DTD1: variants seen among roughly 807,000 people sequenced by gnomAD.
DTD1 encodes the protein D-aminoacyl-tRNA deacylase 1, also known as D-tyrosyl-tRNA deacylase 1 homolog.
DTD1 carries 13 observed loss-of-function variants against 25.6 expected under a neutral mutation model. The ratio of observed to expected loss-of-function variants is 0.51; its 90% CI spans 0.33 to 0.81. The LOEUF (loss-of-function observed/expected upper bound fraction) is 0.81, where lower values mean the gene tolerates loss of function less well. DTD1 is among the 30% of genes least tolerant of loss of function. The probability of loss-of-function intolerance (pLI) is 0.02; values close to 1 mark genes in which losing one functional copy is unlikely to be tolerated. For synonymous variants in DTD1, 110 were observed against 103.6 expected (o/e 1.06, Z -0.37); for missense variants, 193 against 266.4 (o/e 0.72, Z 1.92).
At chr20:18,645,057 G>A (rs1309728807) in intron 4 of DTD1, among the ~76,000 whole-genome samples, 2 of 152,172 alleles carry the variant, frequency 1.3e-5, no homozygotes, top group South Asian at 2.1e-4. Flanking sequence ...AGGCTGAGGC[G>A]AAGAATCACT....
intron 4 of DTD1, among the ~76,000 whole-genome samples, chr20:18,693,453 T>C (rs1484245897): frequency 6.6e-6 from 1 of 151,694 alleles, no homozygotes; most frequent in Admixed American, 6.6e-5. Flanking sequence ...GGTCAGGAAT[T>C]CGAGGCCAAC....
At chr20:18,631,086 G>A (rs1345851915) in intron 4 of DTD1, 1 of 985,280 alleles carries the variant, frequency 1.0e-6, no homozygotes, top group East Asian at 1.1e-4. Flanking sequence ...ATTCACAGCA[G>A]ACAGCTCTCT....
rs568045748 is a variant in DTD1 at position 18,663,647 on chromosome 20, ATTAG to A, written c.477+35421_477+35424del. Among the ~76,000 whole-genome samples the A allele has an allele frequency of 1.1e-4, 17 of 152,344 alleles. No individual in the cohort carries two copies. In the South Asian group the frequency reaches 2.5e-3, roughly 22 times the overall value. On this transcript the variant is annotated intron_variant, in intron 4 of 5. Coordinates refer to ENST00000377452, the MANE Select transcript of DTD1 (RefSeq NM_080820.6). ...AGTATTCAGTAGAGTAACATGCTGT[ATTAG>A]TTAGTTCTCATGCCACTACGAAGAA...
At chr20:18,591,346 G>T (rs754586321) in intron 1 of DTD1, among the ~76,000 whole-genome samples, 2 of 152,130 alleles carry the variant, frequency 1.3e-5, no homozygotes, top group Non-Finnish European at 2.9e-5. Flanking sequence ...TTTAGTGTAC[G>T]AAGATTTTCA....
intron 3 of DTD1, among the ~76,000 whole-genome samples, chr20:18,606,408 C>T (rs1600313051): frequency 7.3e-6 from 1 of 137,422 alleles, no homozygotes; most frequent in South Asian, 2.4e-4. Context: ...TACCATTTGA[C>T]CCGGCCATCC....
At chr20:18,645,410 G>T (rs1383724338) in intron 4 of DTD1, among the ~76,000 whole-genome samples, 1 of 152,236 alleles carries the variant, frequency 6.6e-6, no homozygotes, top group Non-Finnish European at 1.5e-5. Flanking sequence ...GCAGAGGCAT[G>T]TGGCCAGTTG....
chr20:18,662,013 A>G (rs1426073299), intron 4 of DTD1, among the ~76,000 whole-genome samples: 1 of 152,110 alleles, frequency 6.6e-6, no homozygotes, highest in African/African-American at 2.4e-5. Flanking sequence ...TTAGCCAGGC[A>G]TGGTGGTACA....
At chr20:18,650,143 T>G (rs1014957047) in intron 4 of DTD1, among the ~76,000 whole-genome samples, 2 of 152,166 alleles carry the variant, frequency 1.3e-5, no homozygotes, top group Admixed American at 1.3e-4. Flanking sequence ...TTGGGAGGAT[T>G]GCTTGGGCCC....
intron 4 of DTD1, among the ~76,000 whole-genome samples, chr20:18,670,643 CGTTT>C (rs2060948616): frequency 6.6e-6 from 1 of 152,142 alleles, no homozygotes; most frequent in Non-Finnish European, 1.5e-5. Context: ...TAAATAAAGT[CGTTT>C]ACTCAGAATA....
chr20:18,606,717 G>A lies in DTD1; in HGVS notation c.370+10476G>A, dbSNP rs1315123213. On this transcript the variant is annotated intron_variant, in intron 3 of 5. Transcript: ENST00000377452. ...ACCGCATGTTCTCACTCATAGGTGG[G>A]AATTGAACAGTGAGATCACATGGAC... Among the ~76,000 whole-genome samples, 4 of 132,416 alleles carry A rather than the reference G, an allele frequency of 3.0e-5. No homozygotes were observed. The Admixed American group carries it at 3.3e-4, about 11-fold the overall frequency. The allele number at this position is 132,416 out of a possible 152,430, so 86.9% of individuals were successfully genotyped here.
intron 4 of DTD1, among the ~76,000 whole-genome samples, chr20:18,653,866 C>G (rs1450462432): frequency 1.3e-5 from 2 of 152,172 alleles, no homozygotes; most frequent in Non-Finnish European, 2.9e-5. Flanking sequence ...TTTAAAGTTT[C>G]AAATCCATGC....
intron 4 of DTD1, among the ~76,000 whole-genome samples, chr20:18,742,348 A>T (rs932625159): frequency 6.6e-6 from 1 of 152,074 alleles, no homozygotes; most frequent in Non-Finnish European, 1.5e-5. Flanking sequence ...GTAAATGGGG[A>T]GTAGGAAAGA....
chr20:18,688,350 T>G (rs2061025983), intron 4 of DTD1, among the ~76,000 whole-genome samples: 1 of 152,156 alleles, frequency 6.6e-6, no homozygotes, highest in Non-Finnish European at 1.5e-5. Flanking sequence ...TAAGTATTAA[T>G]TATAACCTGT....
At chr20:18,714,682 G>A (rs2061173188) in intron 4 of DTD1, among the ~76,000 whole-genome samples, 1 of 152,154 alleles carries the variant, frequency 6.6e-6, no homozygotes, top group Non-Finnish European at 1.5e-5. Flanking sequence ...CTGTCCTTTA[G>A]GAGCACTGAG....
intron 4 of DTD1, among the ~76,000 whole-genome samples, chr20:18,715,510 G>A (rs2122484682): frequency 1.3e-5 from 2 of 152,314 alleles, no homozygotes; most frequent in Middle Eastern, 6.8e-3. Context: ...GAGACCGGGT[G>A]CATTTGGGGT....
chr20:18,703,268 T>G (rs534364201), intron 4 of DTD1, among the ~76,000 whole-genome samples: 128 of 152,286 alleles, frequency 8.4e-4, no homozygotes, highest in Middle Eastern at 3.4e-3. Context: ...CTGACCATAT[T>G]CTCACCCTTG....
At chr20:18,667,961 C>T (rs1017047422) in intron 4 of DTD1, among the ~76,000 whole-genome samples, 1 of 152,132 alleles carries the variant, frequency 6.6e-6, no homozygotes. Flanking sequence ...CTTATACGTG[C>T]GAAGGTGCCC....
chr20:18,650,848 C>A (rs2060871309), intron 4 of DTD1, among the ~76,000 whole-genome samples: 1 of 152,132 alleles, frequency 6.6e-6, no homozygotes. Flanking sequence ...GATTTTAGAT[C>A]CTTTATCCCA....
At chr20:18,757,467 C>A (rs890198915) in intron 5 of DTD1, among the ~76,000 whole-genome samples, 10 of 152,038 alleles carry the variant, frequency 6.6e-5, no homozygotes, top group Non-Finnish European at 1.5e-4. Flanking sequence ...ATTTATTGAG[C>A]GTTTTTAGCA....
Sources: allele counts gnomAD v4.1 joint callset (sites outside exome capture counted in the v4.1 genomes callset), GRCh38; gene constraint gnomAD v4.1.1; transcripts MANE v1.5; gene names NCBI Gene and HGNC (gene_info 2026-07-23, HGNC 2026-07-21).